SPAST: variants seen among roughly 807,000 people sequenced by gnomAD.
The protein encoded by SPAST is spastic paraplegia 4 (autosomal dominant; spastin).
SPAST carries 30 observed loss-of-function variants against 76.6 expected under a neutral mutation model. The ratio of observed to expected loss-of-function variants is 0.39; its 90% CI spans 0.29 to 0.53. The LOEUF is 0.53. Ranked by LOEUF, SPAST falls within the 20% of genes least tolerant of loss-of-function variation. The pLI is 0.68. For missense variants in SPAST, 717 were observed against 770.5 expected, an observed-to-expected ratio of 0.93 and a Z score of 0.82; for synonymous variants, 305 against 281.0, an observed-to-expected ratio of 1.09 and a Z score of -0.86.
intron 9 of SPAST, among the ~76,000 whole-genome samples, chr2:32,131,289 C>A (rs965722010): frequency 1.3e-5 from 2 of 152,190 alleles, no homozygotes; most frequent in African/African-American, 2.4e-5. Flanking sequence ...CCAAACTATT[C>A]CCCGTTATTA....
At chr2:32,070,890 G>C (rs572133194) in intron 1 of SPAST, among the ~76,000 whole-genome samples, 1 of 152,310 alleles carries the variant, frequency 6.6e-6, no homozygotes, top group East Asian at 1.9e-4. Flanking sequence ...CTGAAAACCT[G>C]TGATAGCCAT....
chr2:32,147,261 A>G lies in SPAST; in HGVS notation c.1728+3A>G. On this transcript the variant is annotated splice_donor_region_variant and intron_variant, in intron 16 of 16. Transcript: ENST00000315285. ...TGAAGAATATGTCTGCCAGTGAGGT[A>G]TAGTATTTTACAATGATATTTTCTT... 6.3e-7 allele frequency: 1 copy of G among 1,582,516 alleles called. No homozygotes were observed. Among genetic ancestry groups the G allele is most frequent in the Non-Finnish European group, 8.7e-7 (1 of 1,154,882 alleles).
intron 4 of SPAST, among the ~76,000 whole-genome samples, chr2:32,104,398 G>T (rs539158996): frequency 7.2e-4 from 110 of 152,152 alleles, no homozygotes; most frequent in African/African-American, 2.3e-3. Context: ...GTCTTGACTC[G>T]TTATCCAATT....
intron 8 of SPAST, chr2:32,127,935 A>G (rs185680509): frequency 1.2e-3 from 193 of 158,294 alleles, no homozygotes; most frequent in Non-Finnish European, 2.3e-3. Context: ...TTACTGAGAA[A>G]GGAACACATT....
intron 4 of SPAST, among the ~76,000 whole-genome samples, chr2:32,100,267 T>C (rs1448611511): frequency 6.6e-6 from 1 of 151,994 alleles, no homozygotes; most frequent in Non-Finnish European, 1.5e-5. Flanking sequence ...TTAACGATGT[T>C]GAGCATTTTT....
At chr2:32,110,597 A>G (rs1320156468) in intron 4 of SPAST, among the ~76,000 whole-genome samples, 1 of 133,304 alleles carries the variant, frequency 7.5e-6, no homozygotes, top group Non-Finnish European at 1.6e-5. Flanking sequence ...TATATCGTAT[A>G]TACACTATAT....
chr2:32,111,511 A>G (rs1485884403), intron 4 of SPAST, among the ~76,000 whole-genome samples: 2 of 151,280 alleles, frequency 1.3e-5, no homozygotes, highest in African/African-American at 2.4e-5. Flanking sequence ...TCAAAAAACC[A>G]TAGCTAAGAT....
At chr2:32,064,286 A>AG in intron 1 of SPAST, 40 bp downstream of exon 1, 1 of 707,836 alleles carries the variant, frequency 1.4e-6, no homozygotes, top group Non-Finnish European at 2.3e-6. Flanking sequence ...GGCGCCGGGA[A>AG]GAAGGCGGTG....
intron 10 of SPAST, 70 bp downstream of exon 10, chr2:32,136,708 G>A (rs1248650262): frequency 5.8e-6 from 8 of 1,374,158 alleles, no homozygotes; most frequent in African/African-American, 2.9e-5. Context: ...GGAAAGATAC[G>A]ATTGGAAACA....
chr2:32,074,466 C>G (rs557486387), intron 1 of SPAST, among the ~76,000 whole-genome samples: 1 of 151,304 alleles, frequency 6.6e-6, no homozygotes, highest in East Asian at 1.9e-4. Flanking sequence ...AGGCCAGCTC[C>G]TGGATGTAAT....
intron 7 of SPAST, among the ~76,000 whole-genome samples, chr2:32,125,352 T>C (rs1679154105): frequency 6.6e-6 from 1 of 151,928 alleles, no homozygotes; most frequent in Non-Finnish European, 1.5e-5. Flanking sequence ...ACCTCCCGAG[T>C]AGCTGAGATT....
intron 3 of SPAST, among the ~76,000 whole-genome samples, chr2:32,092,030 CCTGA>C (rs918704004): frequency 1.3e-5 from 2 of 152,026 alleles, no homozygotes; most frequent in African/African-American, 4.8e-5. Context: ...TATCTGTTTA[CCTGA>C]CTGTCATCAC....
At position 32,098,892 on chromosome 2, in the gene SPAST, G is replaced by C; in HGVS notation, c.682+1G>C. 2 of 1,598,744 alleles carry C rather than the reference G, an allele frequency of 1.3e-6. No homozygotes were observed. Among genetic ancestry groups the C allele is most frequent in the Non-Finnish European group, 8.6e-7 (1 of 1,166,012 alleles). On this transcript the variant is annotated splice_donor_variant, in intron 4 of 16. Transcript: ENST00000315285. LOFTEE classifies it high-confidence loss of function. ...TGCCGCAATGGACATCTCCAGTCAG[G>C]TGGGTTTAGGTTAACTAACATAAAA...
rs201976594 is a variant in SPAST, at chr2:32,108,524, A to AT, written c.683-6105dup. Reference sequence around the variant, plus strand: ...AATTGTATACTTTATTTATATATTTATTTTTTTTTGAGATAGGGTCTGACT... The same window carrying AT: ...AATTGTATACTTTATTTATATATTTATTTTTTTTTTGAGATAGGGTCTGACT... On this transcript the variant is annotated intron_variant, in intron 4 of 16. Transcript: ENST00000315285. Among the ~76,000 whole-genome samples the AT allele has an allele frequency of 1.3e-3, 203 of 150,922 alleles. 2 individuals carry two copies. The South Asian group carries it at 0.016, about 12-fold the overall frequency.
At chr2:32,114,296 G>A (rs766666024) in intron 4 of SPAST, among the ~76,000 whole-genome samples, 2 of 152,030 alleles carry the variant, frequency 1.3e-5, no homozygotes, top group African/African-American at 4.8e-5. Context: ...TGATGTCCCA[G>A]CTACTTGGGA....
intron 4 of SPAST, among the ~76,000 whole-genome samples, chr2:32,104,444 C>T (rs865878783): frequency 7.9e-5 from 12 of 152,164 alleles, no homozygotes; most frequent in Admixed American, 2.6e-4. Context: ...GCATTTAGCC[C>T]ATTTCCATTT....
chr2:32,147,089 T>G, intron 15 of SPAST, 129 bp from the exon 16 acceptor site: 1 of 657,366 alleles, frequency 1.5e-6, no homozygotes, highest in East Asian at 2.7e-5. Flanking sequence ...TTAACATGTG[T>G]CTCTTTTTTT....
intron 2 of SPAST, among the ~76,000 whole-genome samples, chr2:32,089,218 T>TTTTTTTC (rs375850129): frequency 3.5e-4 from 46 of 129,964 alleles, no homozygotes; most frequent in African/African-American, 5.5e-4. Context: ...TTTTTTTTTT[T>TTTTTTTC]AAGTAGAGAC....
chr2:32,070,560 T>G (rs1676707204), intron 1 of SPAST, among the ~76,000 whole-genome samples: 1 of 152,242 alleles, frequency 6.6e-6, no homozygotes, highest in Non-Finnish European at 1.5e-5. Context: ...TGAGAAATAT[T>G]TATTTCCTCT....
Sources: gnomAD v4.1 joint callset for allele counts (sites outside exome capture counted in the v4.1 genomes callset) on GRCh38, gnomAD v4.1.1 for gene constraint, MANE v1.5 for transcripts, NCBI Gene and HGNC (gene_info 2026-07-23, HGNC 2026-07-21) for gene names.